Variants in CNTNAP2 observed in about 807,000 individuals in gnomAD.
CNTNAP2 encodes the protein contactin-associated protein-like 2.
CNTNAP2 carries 98 observed loss-of-function variants against 155.2 expected under a neutral mutation model. The ratio of observed to expected loss-of-function variants is 0.63; its 90% CI spans 0.54 to 0.75. The LOEUF (loss-of-function observed/expected upper bound fraction) is 0.75, where lower values mean the gene tolerates loss of function less well. Ranked by LOEUF, CNTNAP2 falls within the 30% of genes least tolerant of loss-of-function variation. The probability of loss-of-function intolerance (pLI) is 0.00; values close to 1 mark genes in which losing one functional copy is unlikely to be tolerated. For missense variants in CNTNAP2, 1,727 were observed against 1,688.1 expected (o/e 1.02, Z -0.40); for synonymous variants, 651 against 631.2 (o/e 1.03, Z -0.47).
At chr7:148,231,960 T>C (rs913459327) in intron 20 of CNTNAP2, among the ~76,000 whole-genome samples, 4 of 152,188 alleles carry the variant, frequency 2.6e-5, no homozygotes, top group Non-Finnish European at 5.9e-5. Context: ...TGGGAAGTGC[T>C]TCCTCGATTC....
At chr7:148,289,608 G>A (rs76367947) in intron 21 of CNTNAP2, among the ~76,000 whole-genome samples, 22,341 of 152,068 alleles carry the variant, frequency 0.15, 1,999 homozygotes, top group African/African-American at 0.24. Context: ...CACACCCCAT[G>A]TTGGGGAGGC....
chr7:146,964,860 C>CA (rs201206585), intron 3 of CNTNAP2, among the ~76,000 whole-genome samples: 119 of 143,182 alleles, frequency 8.3e-4, no homozygotes, highest in Middle Eastern at 3.6e-3. Context: ...CTGACTGTTC[C>CA]AAAAAAAAAT....
intron 22 of CNTNAP2, among the ~76,000 whole-genome samples, chr7:148,385,609 C>T (rs931248281): frequency 1.3e-5 from 2 of 151,892 alleles, no homozygotes; most frequent in Non-Finnish European, 2.9e-5. Context: ...CTACCTTGGG[C>T]CAATATGAGT....
chr7:146,231,347 C>T (rs567313733), intron 1 of CNTNAP2, among the ~76,000 whole-genome samples: 1 of 152,218 alleles, frequency 6.6e-6, no homozygotes, highest in South Asian at 2.1e-4. Context: ...AACCTGTTTT[C>T]CTTCAGTATT....
At position 147,025,553 on chromosome 7, in the gene CNTNAP2, C is replaced by A. The variant is rs527333385; in HGVS notation, c.403-18354C>A. On this transcript the variant is annotated intron_variant, in intron 3 of 23. Transcript: ENST00000361727. The stretch of plus-strand genomic sequence containing the variant: ...GGAGGGCAAGGGCAAAGAAACCTCC[C>A]ATATCATCCAATCACCTCCCACTAG... Among the ~76,000 whole-genome samples, 574 of 149,794 alleles carry A rather than the reference C, an allele frequency of 3.8e-3. 5 individuals are homozygous for A. Among genetic ancestry groups the A allele is most frequent in the African/African-American group, 0.014 (549 of 40,654 alleles).
rs1358001675 is a variant in CNTNAP2 at position 146,451,854 on chromosome 7, T to A, written c.98-322417T>A. Among the ~76,000 whole-genome samples, 18 of 56,154 alleles carry A rather than the reference T, an allele frequency of 3.2e-4. 1 individual carries two copies. The African/African-American group carries it at 5.0e-3, about 16-fold the overall frequency. 36.8% of individuals were successfully genotyped at this position (56,154 alleles called of 152,430 possible). On this transcript the variant is annotated intron_variant, in intron 1 of 23. Coordinates refer to ENST00000361727, the MANE Select transcript of CNTNAP2 (RefSeq NM_014141.6). ...TATATACATATATATATACACGTATTCTATATATATATATACGTATATATA... is the reference window on the plus strand; with the variant it reads ...TATATACATATATATATACACGTATACTATATATATATATACGTATATATA...
chr7:147,695,737 G>T, intron 13 of CNTNAP2, among the ~76,000 whole-genome samples: 1 of 152,150 alleles, frequency 6.6e-6, no homozygotes, highest in East Asian at 1.9e-4. Flanking sequence ...GGGAGGCGAA[G>T]GTTGCAGTGA....
At chr7:146,179,986 T>C (rs1023482419) in intron 1 of CNTNAP2, among the ~76,000 whole-genome samples, 7 of 152,150 alleles carry the variant, frequency 4.6e-5, no homozygotes, top group Non-Finnish European at 1.0e-4. Context: ...TTACACTTTC[T>C]CCGCCACTTC....
intron 21 of CNTNAP2, among the ~76,000 whole-genome samples, chr7:148,267,772 A>C (rs77830331): frequency 0.013 from 1,907 of 152,266 alleles, 32 homozygotes; most frequent in Admixed American, 0.051. Flanking sequence ...CATAAACTAC[A>C]ACCCAAGCGA....
At chr7:146,194,492 C>T (rs966957568) in intron 1 of CNTNAP2, among the ~76,000 whole-genome samples, 1 of 152,124 alleles carries the variant, frequency 6.6e-6, no homozygotes, top group Non-Finnish European at 1.5e-5. Flanking sequence ...TGGGAAAGAC[C>T]TATCCCCGTG....
chr7:147,327,969 T>A (rs1795491499), intron 9 of CNTNAP2, among the ~76,000 whole-genome samples: 1 of 151,774 alleles, frequency 6.6e-6, no homozygotes, highest in Non-Finnish European at 1.5e-5. Flanking sequence ...GAATTAACTG[T>A]GTAAAAAAAA....
intron 1 of CNTNAP2, among the ~76,000 whole-genome samples, chr7:146,634,200 G>C (rs1403903170): frequency 2.6e-5 from 4 of 152,102 alleles, no homozygotes; most frequent in Non-Finnish European, 5.9e-5. Flanking sequence ...ATTACAGTGT[G>C]GCTATTCTTT....
chr7:147,254,694 G>A (rs967670113), intron 8 of CNTNAP2, among the ~76,000 whole-genome samples: 2 of 152,060 alleles, frequency 1.3e-5, no homozygotes, highest in Non-Finnish European at 2.9e-5. Flanking sequence ...TGCTTATGTT[G>A]GTGAATGTAT....
At chr7:147,706,596 T>C (rs759510158) in intron 13 of CNTNAP2, among the ~76,000 whole-genome samples, 2 of 152,222 alleles carry the variant, frequency 1.3e-5, no homozygotes, top group African/African-American at 2.4e-5. Context: ...TTGACTATAA[T>C]GTGCTGTGGA....
At chr7:147,952,907 A>G (rs544980884) in intron 14 of CNTNAP2, among the ~76,000 whole-genome samples, 1 of 152,326 alleles carries the variant, frequency 6.6e-6, no homozygotes, top group South Asian at 2.1e-4. Flanking sequence ...TTTGGAAAAC[A>G]CTGCCTTAGG....
intron 4 of CNTNAP2, among the ~76,000 whole-genome samples, chr7:147,062,009 T>G (rs925830717): frequency 6.6e-6 from 1 of 151,096 alleles, no homozygotes. Flanking sequence ...GCGCCTGTAG[T>G]CCCAGCTACT....
intron 8 of CNTNAP2, among the ~76,000 whole-genome samples, chr7:147,140,145 C>T (rs540174354): frequency 3.9e-5 from 6 of 152,094 alleles, no homozygotes; most frequent in African/African-American, 7.2e-5. Flanking sequence ...CTTACTGTAG[C>T]GCTTGGTAGA....
rs1276461708 is a variant in CNTNAP2, at chr7:147,366,777, GCACGCACA to G, written c.1499-28828_1499-28821del. Among the ~76,000 whole-genome samples, 297 of 56,996 alleles carry G rather than the reference GCACGCACA, an allele frequency of 5.2e-3. 1 individual carries two copies. The South Asian group carries it at 0.065, about 13-fold the overall frequency. 37.4% of individuals were successfully genotyped at this position (56,996 alleles called of 152,430 possible). A position where few individuals can be genotyped will look rare whatever the true frequency, so the allele number is the denominator to read the frequency against. On this transcript the variant is annotated intron_variant, in intron 9 of 23. Transcript: ENST00000361727. ...TTAAGTGATTTTTTACGAATTTGTTGCACGCACACACACACACACACACACACACACAC... is the reference window on the plus strand; with the variant it reads ...TTAAGTGATTTTTTACGAATTTGTTGCACACACACACACACACACACACAC...
chr7:147,647,862 G>A (rs1209315916), intron 13 of CNTNAP2, among the ~76,000 whole-genome samples: 2 of 152,086 alleles, frequency 1.3e-5, no homozygotes, highest in African/African-American at 4.8e-5. Context: ...CAATAAACAG[G>A]CAAGCAAGTA....
Sources: allele counts gnomAD v4.1 joint callset (sites outside exome capture counted in the v4.1 genomes callset), GRCh38; gene constraint gnomAD v4.1.1; transcripts MANE v1.5; gene names NCBI Gene and HGNC (gene_info 2026-07-23, HGNC 2026-07-21).